The following KIAA1586 variants were observed in gnomAD, a reference collection of about 807,000 sequenced individuals.
KIAA1586 encodes the protein E3 SUMO-protein ligase KIAA1586.
KIAA1586 carries 5 observed loss-of-function variants against 6.1 expected under a neutral mutation model. The observed-to-expected ratio is 0.82, with a 90% CI of 0.43 to 1.73. The LOEUF (loss-of-function observed/expected upper bound fraction) is 1.73. KIAA1586 is among the 40% of genes most tolerant of loss of function. The pLI, the probability that KIAA1586 is intolerant of heterozygous loss-of-function variation, is 0.02. For synonymous variants in KIAA1586, 280 were observed against 301.7 expected, an observed-to-expected ratio of 0.93 and a Z score of 0.75; for missense variants, 899 against 878.2, an observed-to-expected ratio of 1.02 and a Z score of -0.30.
chr6:57,054,028 A>T lies in KIAA1586; in HGVS notation c.1529A>T (p.Tyr510Phe). 6.2e-7 allele frequency: 1 copy of T among 1,610,390 alleles called. No homozygotes were observed. The highest frequency in any genetic ancestry group is 8.5e-7 in the Non-Finnish European group (1 of 1,178,424). ...TTATATATGCATTTTTCTCATTCTTACTCTGGTTTGGCGAAGAGATTAGCT... is the reference window on the plus strand; with the variant it reads ...TTATATATGCATTTTTCTCATTCTTTCTCTGGTTTGGCGAAGAGATTAGCT... ...PILYMHFSHS[Y>F]SGLAKRLANI... is the part of the protein sequence containing the mutation. Residue 510 changes from tyrosine to phenylalanine, a missense_variant, in exon 4 of 4, where the codon TAC becomes TTC. Transcript: ENST00000370733.
downstream of KIAA1586, among the ~76,000 whole-genome samples, chr6:57,059,045 T>C (rs115990683): frequency 0.012 from 1,871 of 152,266 alleles, 20 homozygotes; most frequent in South Asian, 0.03. Flanking sequence ...TTTGGAACAA[T>C]TGGGTTTGTG....
At chr6:57,056,911 C>T (rs1267907223), downstream of KIAA1586, among the ~76,000 whole-genome samples, 1 of 151,754 alleles carries the variant, frequency 6.6e-6, no homozygotes, top group South Asian at 2.1e-4. Flanking sequence ...TGAATAAAAG[C>T]CTAAATAAGA....
In KIAA1586 at chr6:57,054,593, C is replaced by G; in HGVS notation, c.2094C>G (p.Ser698Arg). ...TATACAAAGCTAAAAAGATAGTTAG[C>G]ACCATTGCAATCAATAGTGCTGAAG... ...TTIYKAKKIV[S>R]TIAINSAEAE... Residue 698 changes from serine (S) to arginine (R), a missense_variant, in exon 4 of 4, where the codon AGC becomes AGG. Coordinates refer to ENST00000370733, the MANE Select transcript of KIAA1586 (RefSeq NM_020931.4). 6.2e-7 allele frequency: 1 copy of G among 1,606,548 alleles called. No homozygotes were observed. The highest frequency in any genetic ancestry group is 8.5e-7 in the Non-Finnish European group (1 of 1,175,274).
intron 3 of KIAA1586, 94 bp downstream of exon 3, chr6:57,050,948 G>A: frequency 1.1e-6 from 1 of 919,606 alleles, no homozygotes; most frequent in East Asian, 2.6e-5. Context: ...ACTAATTGTT[G>A]GCCAGGCACG....
chr6:57,061,847 A>G, the KIAA1586 span, among the ~76,000 whole-genome samples: 1 of 152,130 alleles, frequency 6.6e-6, no homozygotes. Context: ...AAAAGTTAAC[A>G]ATATCACAAA....
chr6:57,052,740 G>A lies in KIAA1586; in HGVS notation c.241G>A (p.Val81Met), dbSNP rs6926980. The A allele has an allele frequency of 0.22, 353,443 of 1,589,804 alleles. 41,445 individuals are homozygous for A. Among genetic ancestry groups the A allele is most frequent in the African/African-American group, 0.35 (25,474 of 73,570 alleles). The change falls in exon 4 of 4, where the codon GTG becomes ATG. Residue 81 changes from valine (V) to methionine (M), a missense_variant. Coordinates refer to ENST00000370733, the MANE Select transcript of KIAA1586 (RefSeq NM_020931.4). ...GGGTGATTTTTTGCATTTTTTAAAT[G>A]TGAAGAAGGTGAAAACAGACACAGA... is the stretch of plus-strand genomic sequence containing the variant. ...RQGDFLHFLN[V>M]KKVKTDTENN...
chr6:57,060,862 G>A, the KIAA1586 span, among the ~76,000 whole-genome samples: 68 of 152,184 alleles, frequency 4.5e-4, 1 homozygote, highest in East Asian at 0.011. Context: ...CGTTGCCCAG[G>A]CTGGTCTTGA....
chr6:57,048,989 A>C (rs2127906272), intron 2 of KIAA1586, among the ~76,000 whole-genome samples: 1 of 152,002 alleles, frequency 6.6e-6, no homozygotes, highest in African/African-American at 2.4e-5. Flanking sequence ...TCTTACTTTA[A>C]ATTTTATTTT....
At position 57,054,144 on chromosome 6, in the gene KIAA1586, AATATT is replaced by A. The variant is rs780507643; in HGVS notation, c.1647_1651del (p.Asn549LysfsTer25). 4 of 1,589,544 alleles carry A rather than the reference AATATT, an allele frequency of 2.5e-6. No individual in the cohort carries two copies. Among genetic ancestry groups the A allele is most frequent in the Admixed American group, 3.7e-5 (2 of 53,532 alleles). On this transcript the variant is annotated frameshift_variant, in exon 4 of 4. Transcript: ENST00000370733. LOFTEE classifies it low-confidence loss of function (END_TRUNC). ...AACTGCATTACAGTCAAGATCAACT[AATATT>A]AAGAAAGCACAAAAATTGATCAAAC...
At position 57,054,976 on chromosome 6, in the gene KIAA1586, G is replaced by A. The variant is rs1828471545; in HGVS notation, c.*113G>A. The stretch of plus-strand genomic sequence containing the variant: ...GTTAAACTTTTATCAGCATGTTGCT[G>A]TTTAAAAGGCGTTCTTTAAGAAGAT... On this transcript the variant is annotated 3_prime_UTR_variant, in exon 4 of 4. Transcript: ENST00000370733. 2 of 1,173,716 alleles carry A rather than the reference G, an allele frequency of 1.7e-6. No homozygotes were observed. Among genetic ancestry groups the A allele is most frequent in the African/African-American group, 1.6e-5 (1 of 63,992 alleles). 72.7% of individuals were successfully genotyped at this position (1,173,716 alleles called of 1,614,324 possible).
downstream of KIAA1586, among the ~76,000 whole-genome samples, chr6:57,059,198 TATTGATAATATGTTATAA>T (rs1310958804): frequency 5.1e-4 from 77 of 152,310 alleles, no homozygotes; most frequent in African/African-American, 1.8e-3. Flanking sequence ...TTAATAACTA[TATTGATAATATGTTATAA>T]ATTGATAATA....
intron 2 of KIAA1586, among the ~76,000 whole-genome samples, chr6:57,048,523 A>G (rs1828240500): frequency 6.6e-6 from 1 of 152,156 alleles, no homozygotes; most frequent in South Asian, 2.1e-4. Context: ...CTAAATATTG[A>G]TGATACCAAG....
Position 57,052,997 on chromosome 6 carries a change from A to C in KIAA1586, c.498A>C (p.Ala166=). 6.2e-7 allele frequency: 1 copy of C among 1,613,978 alleles called. No homozygotes were observed. The highest frequency in any genetic ancestry group is 8.5e-7 in the Non-Finnish European group (1 of 1,179,916). ...EGKLGCKDCS[A]VRHLGSKAEK... The stretch of plus-strand genomic sequence containing the variant: ...AATTAGGATGTAAGGATTGTTCAGC[A>C]GTTCGGCATTTGGGATCGAAAGCAG... The change falls in exon 4 of 4, where the codon GCA becomes GCC. Residue 166 remains alanine, a synonymous_variant. Transcript: ENST00000370733.
rs749128745 is a variant in KIAA1586, at chr6:57,046,746, C to G, written c.-10C>G. Reference sequence around the variant, plus strand: ...GGAGCAGTGGTGCTGTCAGCGCGGCCGTCGGAGACATGGGAGACCCGGGGT... The same window carrying G: ...GGAGCAGTGGTGCTGTCAGCGCGGCGGTCGGAGACATGGGAGACCCGGGGT... On this transcript the variant is annotated 5_prime_UTR_variant, in exon 1 of 4. Coordinates refer to ENST00000370733, the MANE Select transcript of KIAA1586 (RefSeq NM_020931.4). The G allele has an allele frequency of 6.2e-7, 1 of 1,612,794 alleles. No individual in the cohort carries two copies. The highest frequency in any genetic ancestry group is 1.3e-5 in the African/African-American group (1 of 74,976).
Position 57,053,135 on chromosome 6 carries a change from T to G in KIAA1586, c.636T>G (p.Val212=), listed in dbSNP as rs145332241. The stretch of plus-strand genomic sequence containing the variant: ...GAAAAAAAATTAGGGAACATGATGT[T>G]TCTAAAGCCCATGGTAAAATTCAGG... The part of the protein sequence containing the change: ...SLRKKIREHD[V]SKAHGKIQDL... Residue 212 remains valine, a synonymous_variant, in exon 4 of 4, where the codon GTT becomes GTG. Coordinates refer to ENST00000370733, the MANE Select transcript of KIAA1586 (RefSeq NM_020931.4). The G allele has an allele frequency of 2.6e-5, 42 of 1,611,132 alleles. No individual in the cohort carries two copies. Among genetic ancestry groups the G allele is most frequent in the Admixed American group, 1.7e-5 (1 of 59,162 alleles).
chr6:57,062,154 C>T, the KIAA1586 span, among the ~76,000 whole-genome samples: 1 of 152,156 alleles, frequency 6.6e-6, no homozygotes, highest in Admixed American at 6.5e-5. Context: ...TGGTCTCAAA[C>T]TCCTGAGCTC....
chr6:57,060,527 T>C, the KIAA1586 span, among the ~76,000 whole-genome samples: 1 of 152,202 alleles, frequency 6.6e-6, no homozygotes, highest in East Asian at 1.9e-4. Context: ...GTCTAACATA[T>C]TTCTTCTCTA....
chr6:57,052,417 C>T lies in KIAA1586; in HGVS notation c.187-269C>T, dbSNP rs114008827. On this transcript the variant is annotated intron_variant, in intron 3 of 3. Transcript: ENST00000370733. ...GAGGTGCAAATAGCATACTCATTTG[C>T]GAAACATATGACCAACCATTTTGCT... is the stretch of plus-strand genomic sequence containing the variant. Among the ~76,000 whole-genome samples, 1,258 of 152,060 alleles carry T rather than the reference C, an allele frequency of 8.3e-3. 10 individuals carry two copies. The highest frequency in any genetic ancestry group is 0.029 in the African/African-American group (1,182 of 41,458).
Position 57,053,760 on chromosome 6 carries a change from C to A in KIAA1586, c.1261C>A (p.His421Asn), listed in dbSNP as rs758176490. 6.3e-7 allele frequency: 1 copy of A among 1,593,864 alleles called. No individual in the cohort carries two copies. Among genetic ancestry groups the A allele is most frequent in the South Asian group, 1.1e-5 (1 of 87,208 alleles). ...AATCATCATTTGGAACTGTTTAAAT[C>A]ATCGATTACAATTGTCACTTGATGA... ...PEIIIWNCLN[H>N]RLQLSLDDSI... Residue 421 changes from histidine to asparagine, a missense_variant, in exon 4 of 4, where the codon CAT becomes AAT. Physicochemically the swap from His to Asn is moderately conservative, Grantham distance 68. Transcript: ENST00000370733.
Sources: allele counts gnomAD v4.1 joint callset (sites outside exome capture counted in the v4.1 genomes callset), GRCh38; gene constraint gnomAD v4.1.1; transcripts MANE v1.5; gene names NCBI Gene and HGNC (gene_info 2026-07-23, HGNC 2026-07-21).